The following RNF220 variants were observed in gnomAD, a reference collection of about 807,000 sequenced individuals.
RNF220 encodes the protein ring finger protein 220, also known as E3 ubiquitin-protein ligase RNF220.
Under a neutral mutation model 67.1 loss-of-function variants are expected in RNF220, and 7 were observed. The ratio of observed to expected loss-of-function variants is 0.10; its 90% CI spans 0.06 to 0.20. RNF220 has a LOEUF of 0.20. RNF220 is among the 10% of genes least tolerant of loss of function. RNF220 has a pLI of 1.00. For synonymous variants in RNF220, 270 were observed against 283.2 expected, an observed-to-expected ratio of 0.95 and a Z score of 0.47; for missense variants, 565 against 740.3, an observed-to-expected ratio of 0.76 and a Z score of 2.75.
chr1:44,646,982 G>GC (rs1177174635), intron 12 of RNF220, among the ~76,000 whole-genome samples: 1 of 152,228 alleles, frequency 6.6e-6, no homozygotes, highest in Non-Finnish European at 1.5e-5. Flanking sequence ...CTCACAGCCA[G>GC]CCTGGACCAG....
chr1:44,468,170 G>A (rs1654454114), intron 2 of RNF220, among the ~76,000 whole-genome samples: 1 of 105,342 alleles, frequency 9.5e-6, no homozygotes, highest in Admixed American at 8.9e-5. Flanking sequence ...CTCAACACAG[G>A]GTTGCCACAA....
chr1:44,554,331 CA>C (rs141817683), intron 2 of RNF220, among the ~76,000 whole-genome samples: 1 of 151,758 alleles, frequency 6.6e-6, no homozygotes, highest in African/African-American at 2.4e-5. Context: ...GGGACTTGGG[CA>C]AAAAAATTGA....
At chr1:44,550,933 CT>C (rs1450294464) in intron 2 of RNF220, among the ~76,000 whole-genome samples, 1 of 152,084 alleles carries the variant, frequency 6.6e-6, no homozygotes, top group African/African-American at 2.4e-5. Context: ...TTGAACCATG[CT>C]TTCCAGAGCC....
chr1:44,529,294 A>G (rs146021677), intron 2 of RNF220, among the ~76,000 whole-genome samples: 1 of 152,282 alleles, frequency 6.6e-6, no homozygotes, highest in African/African-American at 2.4e-5. Flanking sequence ...ATATTTCAGC[A>G]GAGATCCTAA....
chr1:44,633,164 G>A (rs985752140), intron 6 of RNF220, among the ~76,000 whole-genome samples: 4 of 152,224 alleles, frequency 2.6e-5, no homozygotes, highest in Admixed American at 2.0e-4. Context: ...CTGCTGCCAG[G>A]CTGAGCCCTA....
chr1:44,415,491 T>C (rs1333679763), intron 2 of RNF220, among the ~76,000 whole-genome samples: 1 of 123,910 alleles, frequency 8.1e-6, no homozygotes, highest in Non-Finnish European at 1.7e-5. Flanking sequence ...AAATTAACCA[T>C]ATATGGTTGA....
intron 2 of RNF220, among the ~76,000 whole-genome samples, chr1:44,536,989 TC>T (rs1661279722): frequency 9.1e-6 from 1 of 109,930 alleles, no homozygotes; most frequent in Non-Finnish European, 1.9e-5. Flanking sequence ...TACCCCTCGG[TC>T]CCATTTGCAC....
chr1:44,437,286 G>A (rs1008245088), intron 2 of RNF220, among the ~76,000 whole-genome samples: 1 of 152,168 alleles, frequency 6.6e-6, no homozygotes, highest in African/African-American at 2.4e-5. Flanking sequence ...GAGCCAAGCC[G>A]CTAAAATATT....
intron 2 of RNF220, among the ~76,000 whole-genome samples, chr1:44,447,448 C>A (rs545631218): frequency 1.3e-5 from 2 of 152,328 alleles, no homozygotes; most frequent in South Asian, 4.1e-4. Flanking sequence ...TATTTTAAGT[C>A]ACTAGCATCT....
At chr1:44,605,337 A>AT (rs1387493210) in intron 2 of RNF220, among the ~76,000 whole-genome samples, 1 of 151,462 alleles carries the variant, frequency 6.6e-6, no homozygotes, top group Admixed American at 6.6e-5. Context: ...ATATAGAAGG[A>AT]TAGCTGACCA....
At chr1:44,493,297 C>T (rs866192557) in intron 2 of RNF220, among the ~76,000 whole-genome samples, 4 of 152,104 alleles carry the variant, frequency 2.6e-5, no homozygotes, top group South Asian at 4.1e-4. Context: ...GGGTGGATCA[C>T]GAGGTCAGGA....
chr1:44,580,897 A>G (rs1016279436), intron 2 of RNF220, among the ~76,000 whole-genome samples: 5 of 152,186 alleles, frequency 3.3e-5, no homozygotes, highest in Admixed American at 2.6e-4. Flanking sequence ...GCCTGTGTCC[A>G]TTCGCTGTGT....
At chr1:44,449,754 A>G (rs754523278) in intron 2 of RNF220, among the ~76,000 whole-genome samples, 1 of 152,174 alleles carries the variant, frequency 6.6e-6, no homozygotes, top group Non-Finnish European at 1.5e-5. Flanking sequence ...GATTCATTCA[A>G]CATACACTTA....
intron 5 of RNF220, among the ~76,000 whole-genome samples, chr1:44,628,980 A>G (rs1247951452): frequency 6.6e-6 from 1 of 152,220 alleles, no homozygotes; most frequent in African/African-American, 2.4e-5. Flanking sequence ...CTCATTATTT[A>G]TGATGCTGTG....
chr1:44,649,729 A>G lies in RNF220; in HGVS notation c.1514A>G (p.Gln505Arg). 23 of 1,614,026 alleles carry G rather than the reference A, an allele frequency of 1.4e-5. No individual in the cohort carries two copies. Among genetic ancestry groups the G allele is most frequent in the Non-Finnish European group, 1.9e-5 (22 of 1,179,962 alleles). ...LKARVRELER[Q>R]LSRGDRYKCL... ...GCTCGGGTCAGAGAACTTGAACGGC[A>G]GCTATCTCGTGGGGACCGTTACAAA... The change falls in exon 13 of 15, where the codon CAG becomes CGG. Residue 505 changes from glutamine to arginine, a missense_variant. Transcript: ENST00000361799. This position sits in a 1 kb window ranked among gnomAD's most constrained non-coding sequence, Gnocchi z 5.9.
intron 2 of RNF220, among the ~76,000 whole-genome samples, chr1:44,504,291 G>A (rs1270959448): frequency 6.6e-6 from 1 of 152,178 alleles, no homozygotes; most frequent in Admixed American, 6.5e-5. Context: ...GGGGCTAATG[G>A]GGGCCAATCC....
chr1:44,567,566 G>T (rs750155238), intron 2 of RNF220, among the ~76,000 whole-genome samples: 13 of 152,030 alleles, frequency 8.6e-5, no homozygotes, highest in Non-Finnish European at 1.6e-4. Flanking sequence ...CTCAAGATCA[G>T]GAGACTTGGA....
intron 2 of RNF220, among the ~76,000 whole-genome samples, chr1:44,444,090 C>CAAAA (rs1275703006): frequency 1.6e-4 from 25 of 152,064 alleles, no homozygotes; most frequent in Admixed American, 1.6e-3. Flanking sequence ...GACTCCGTCT[C>CAAAA]AAAAAAAGAA....
intron 2 of RNF220, among the ~76,000 whole-genome samples, chr1:44,511,972 C>T (rs1414587173): frequency 1.3e-5 from 2 of 148,720 alleles, no homozygotes; most frequent in Non-Finnish European, 3.0e-5. Flanking sequence ...GGCCAAACCA[C>T]ACCAAACAGA....
Sources: allele counts gnomAD v4.1 joint callset (sites outside exome capture counted in the v4.1 genomes callset), GRCh38; gene constraint gnomAD v4.1.1; non-coding constraint Gnocchi (gnomAD v3.1); transcripts MANE v1.5; gene names NCBI Gene and HGNC (gene_info 2026-07-23, HGNC 2026-07-21).